C8orf34: variants seen among roughly 807,000 people sequenced by gnomAD.
The protein encoded by C8orf34 is uncharacterized protein C8orf34.
In C8orf34, 65 loss-of-function variants were observed where a neutral mutation model predicts 68.3. That is an observed-to-expected ratio of 0.95 (90% CI 0.78 to 1.17). The LOEUF is 1.17. Among genes scored for constraint, C8orf34 ranks in the 50% most tolerant of loss-of-function variants. C8orf34 has a pLI of 0.00. For missense variants in C8orf34, 664 were observed against 655.4 expected, an observed-to-expected ratio of 1.01 and a Z score of -0.14; for synonymous variants, 244 against 241.2, an observed-to-expected ratio of 1.01 and a Z score of -0.11.
intron 3 of C8orf34, chr8:68,446,823 A>G (rs1312205350): frequency 2.0e-5 from 5 of 247,194 alleles, no homozygotes; most frequent in Non-Finnish European, 3.0e-5. Flanking sequence ...AATCTCTTAG[A>G]ATAGAAGCAA....
intron 12 of C8orf34, among the ~76,000 whole-genome samples, chr8:68,804,054 A>G (rs1214862998): frequency 1.3e-5 from 2 of 152,176 alleles, no homozygotes; most frequent in African/African-American, 4.8e-5. Context: ...AACATCTTCA[A>G]TGTATCTGCA....
intron 7 of C8orf34, among the ~76,000 whole-genome samples, chr8:68,600,282 A>G (rs1179402613): frequency 6.6e-6 from 1 of 152,174 alleles, no homozygotes; most frequent in Non-Finnish European, 1.5e-5. Context: ...CCTTTAAAAT[A>G]TAATTGCCTT....
chr8:68,807,493 T>C (rs865832067), intron 12 of C8orf34, among the ~76,000 whole-genome samples: 174 of 152,346 alleles, frequency 1.1e-3, no homozygotes, highest in African/African-American at 4.1e-3. Context: ...TTTTATTTGG[T>C]TCATTTGTAG....
chr8:68,783,067 CAAAAA>C (rs750669752), intron 11 of C8orf34, among the ~76,000 whole-genome samples: 1 of 128,918 alleles, frequency 7.8e-6, no homozygotes, highest in South Asian at 2.6e-4. Context: ...GAACATGTCT[CAAAAA>C]AAAAAAAAGA....
At chr8:68,691,578 T>C (rs1308282067) in intron 8 of C8orf34, among the ~76,000 whole-genome samples, 1 of 152,136 alleles carries the variant, frequency 6.6e-6, no homozygotes, top group Non-Finnish European at 1.5e-5. Flanking sequence ...ATTGTTTAGT[T>C]GTTTTTGTGG....
At chr8:68,577,228 T>C (rs1038421097) in intron 7 of C8orf34, among the ~76,000 whole-genome samples, 4 of 151,946 alleles carry the variant, frequency 2.6e-5, no homozygotes, top group African/African-American at 9.7e-5. Flanking sequence ...CCCAAACACA[T>C]TGAACCAAAA....
At chr8:68,414,239 A>AT (rs1809567290) in intron 1 of C8orf34, among the ~76,000 whole-genome samples, 1 of 151,998 alleles carries the variant, frequency 6.6e-6, no homozygotes, top group Non-Finnish European at 1.5e-5. Context: ...TATTTTACTG[A>AT]TTGATTTGAT....
At chr8:68,421,821 T>C (rs1168088723) in intron 1 of C8orf34, among the ~76,000 whole-genome samples, 3 of 152,186 alleles carry the variant, frequency 2.0e-5, no homozygotes, top group Non-Finnish European at 2.9e-5. Context: ...AGAGCCTTAA[T>C]TGACTTACAG....
intron 10 of C8orf34, among the ~76,000 whole-genome samples, chr8:68,741,850 C>G (rs976320406): frequency 6.6e-6 from 1 of 152,122 alleles, no homozygotes; most frequent in African/African-American, 2.4e-5. Flanking sequence ...ATATGTACCA[C>G]GTTTTCTTTA....
rs773697988 is a variant in C8orf34 at position 68,709,010 on chromosome 8, C to G, written c.1258C>G (p.Leu420Val). The G allele has an allele frequency of 6.2e-7, 1 of 1,601,540 alleles. No individual in the cohort carries two copies. Among genetic ancestry groups the G allele is most frequent in the Non-Finnish European group, 8.5e-7 (1 of 1,176,278 alleles). Residue 420 changes from leucine (L) to valine (V), a missense_variant, in exon 9 of 14, where the codon CTG becomes GTG. Transcript: ENST00000518698. ...SRCARLQGDN[L>V]EERTEESLPI... ...ATTATTTAGGCTTCAAGGAGACAAC[C>G]TGGAAGAAAGGACAGAAGAGTCACT... is the stretch of plus-strand genomic sequence containing the variant.
At chr8:68,802,825 A>G (rs930028510) in intron 12 of C8orf34, among the ~76,000 whole-genome samples, 13 of 152,208 alleles carry the variant, frequency 8.5e-5, no homozygotes, top group Admixed American at 6.5e-5. Context: ...ATTTTAAATA[A>G]TACCATGAAG....
chr8:68,553,088 A>G (rs112197444), intron 7 of C8orf34, among the ~76,000 whole-genome samples: 1 of 152,004 alleles, frequency 6.6e-6, no homozygotes, highest in African/African-American at 2.4e-5. Context: ...GAGCCTGAAA[A>G]CATATCCTCC....
At chr8:68,475,528 G>A (rs555893565) in intron 4 of C8orf34, among the ~76,000 whole-genome samples, 5 of 152,270 alleles carry the variant, frequency 3.3e-5, no homozygotes, top group Non-Finnish European at 5.9e-5. Flanking sequence ...ACTTAAACAA[G>A]CCTTCTGCTT....
chr8:68,804,991 T>A (rs1008326933), intron 12 of C8orf34, among the ~76,000 whole-genome samples: 1 of 152,158 alleles, frequency 6.6e-6, no homozygotes, highest in African/African-American at 2.4e-5. Flanking sequence ...GTCAGTCCCC[T>A]GAAGCAAAGA....
At chr8:68,527,947 G>A (rs551301760) in intron 6 of C8orf34, among the ~76,000 whole-genome samples, 15 of 150,666 alleles carry the variant, frequency 1.0e-4, no homozygotes, top group African/African-American at 2.7e-4. Flanking sequence ...ATCCTTTATC[G>A]TCTGCTGCTT....
At chr8:68,481,008 G>A (rs564813590) in intron 4 of C8orf34, among the ~76,000 whole-genome samples, 10 of 152,306 alleles carry the variant, frequency 6.6e-5, no homozygotes, top group South Asian at 2.1e-4. Flanking sequence ...TGGGCAAAAT[G>A]TCTCCAGGCT....
intron 7 of C8orf34, chr8:68,535,365 T>C (rs1010661899): frequency 1.0e-6 from 1 of 983,352 alleles, no homozygotes; most frequent in East Asian, 1.1e-4. Flanking sequence ...TTGTTATCTA[T>C]ACCAAGATAT....
intron 7 of C8orf34, among the ~76,000 whole-genome samples, chr8:68,596,995 T>A (rs1218490170): frequency 6.6e-6 from 1 of 152,198 alleles, no homozygotes; most frequent in Admixed American, 6.6e-5. Context: ...TTTCTTTGAA[T>A]CATTAAAGAC....
chr8:68,540,571 G>C (rs560034221), intron 7 of C8orf34, among the ~76,000 whole-genome samples: 2 of 151,850 alleles, frequency 1.3e-5, no homozygotes, highest in Non-Finnish European at 2.9e-5. Context: ...GGCCAGGTGC[G>C]GTGGCTCACT....
Sources: gnomAD v4.1 joint callset for allele counts (sites outside exome capture counted in the v4.1 genomes callset) on GRCh38, gnomAD v4.1.1 for gene constraint, MANE v1.5 for transcripts, NCBI Gene and HGNC (gene_info 2026-07-23, HGNC 2026-07-21) for gene names.